Variants in EHMT2 observed in about 807,000 individuals in gnomAD.
The protein encoded by EHMT2 is euchromatic histone lysine methyltransferase 2.
In EHMT2, 59 loss-of-function variants were observed where a neutral mutation model predicts 143.3. The ratio of observed to expected loss-of-function variants is 0.41; its 90% CI spans 0.33 to 0.51. The LOEUF (loss-of-function observed/expected upper bound fraction) is 0.51. Among genes scored for constraint, EHMT2 ranks in the 20% least tolerant of loss-of-function variants. EHMT2 has a pLI of 0.18. For missense variants in EHMT2, 1,174 were observed against 1,645.9 expected (o/e 0.71, Z 4.96); for synonymous variants, 604 against 651.5 (o/e 0.93, Z 1.11).
At chr6:31,892,842 C>A in exon 5 of EHMT2, 4 of 1,605,838 alleles carry the variant, frequency 2.5e-6, no homozygotes, top group East Asian at 2.2e-5. Flanking sequence ...TCACCTTTCC[C>A]AGTGAGTGGA....
chr6:31,882,136 G>T (rs372724732), intron 25 of EHMT2, among the ~76,000 whole-genome samples: 1 of 140,628 alleles, frequency 7.1e-6, no homozygotes. Context: ...AAAAAAAAAA[G>T]AGCCAAAGGA....
intron 4 of EHMT2, chr6:31,893,257 G>C (rs1340516319): frequency 4.1e-6 from 2 of 491,380 alleles, no homozygotes; most frequent in Non-Finnish European, 7.7e-6. Flanking sequence ...GCCACTGACA[G>C]ATGAATGGAT....
chr6:31,884,513 CCT>C lies in EHMT2; in HGVS notation c.2648_2649del (p.Glu883GlyfsTer48), dbSNP rs751340770. 4.3e-6 allele frequency: 7 copies of C among 1,612,862 alleles called. No individual in the cohort carries two copies. The highest frequency in any genetic ancestry group is 2.7e-5 in the African/African-American group (2 of 74,892). On this transcript the variant is annotated frameshift_variant, in exon 21 of 28. Transcript: ENST00000375537. LOFTEE classifies it high-confidence loss of function. This position sits in a 1 kb window ranked among gnomAD's most constrained non-coding sequence, Gnocchi z 7.3. ...GGAGTCAGGTCCCATGCTGTGTCCC[CCT>C]CTTTGTTCCGCAGCTCAGGGTTGGC...
At position 31,888,527 on chromosome 6, in the gene EHMT2, T is replaced by G. The variant is rs1765212095; in HGVS notation, c.1366-21A>C. Reference sequence around the variant, plus strand: ...GACAGCTGTGCGCAGTGAGGATGGGTGAGAAGAGAGCGTGAGGCTGGGGCC... The same window carrying G: ...GACAGCTGTGCGCAGTGAGGATGGGGGAGAAGAGAGCGTGAGGCTGGGGCC... On this transcript the variant is annotated intron_variant, in intron 11 of 27. Transcript: ENST00000375537. The surrounding 1 kb of genome is among the most constrained non-coding windows in gnomAD (Gnocchi z 7.4). 2 of 1,610,874 alleles carry G rather than the reference T, an allele frequency of 1.2e-6. No homozygotes were observed. The highest frequency in any genetic ancestry group is 3.3e-5 in the Admixed American group (2 of 59,918).
Position 31,880,926 on chromosome 6 carries a change from C to G in EHMT2, c.3277-78G>C, listed in dbSNP as rs1263807717. On this transcript the variant is annotated intron_variant, in intron 26 of 27. Coordinates refer to ENST00000375537, the Ensembl canonical transcript of EHMT2. The surrounding 1 kb of genome is among the most constrained non-coding windows in gnomAD (Gnocchi z 6.6). ...CCCACCCACTGACTCCCCAGTCCCTCCTCCCCAGGTTTCCATTTGCTGACT... is the reference window on the plus strand; with the variant it reads ...CCCACCCACTGACTCCCCAGTCCCTGCTCCCCAGGTTTCCATTTGCTGACT... 8 of 1,608,612 alleles carry G rather than the reference C, an allele frequency of 5.0e-6. No homozygotes were observed. Among genetic ancestry groups the G allele is most frequent in the Non-Finnish European group, 6.8e-6 (8 of 1,176,454 alleles).
At chr6:31,887,418 T>A (rs1765013715) in intron 15 of EHMT2, among the ~76,000 whole-genome samples, 159 bp downstream of exon 15, 1 of 152,186 alleles carries the variant, frequency 6.6e-6, no homozygotes, top group Non-Finnish European at 1.5e-5. Flanking sequence ...AGTCACCACA[T>A]CCCCATCGTT....
intron 1 of EHMT2, chr6:31,897,317 C>A: frequency 1.8e-6 from 1 of 565,296 alleles, no homozygotes; most frequent in Non-Finnish European, 2.6e-6. Context: ...CGCGGGGACC[C>A]CGGGCACCAA....
In EHMT2 at chr6:31,883,330, G is replaced by A. The variant is rs763358738; in HGVS notation, c.2994+32C>T. ...GGCTGGCTCCTCTGAAGGAGGGGCC[G>A]GGTGTCTGTGGCCAAGGCAAGGGGC... On this transcript the variant is annotated intron_variant, in intron 23 of 27. Transcript: ENST00000375537. The surrounding 1 kb of genome is among the most constrained non-coding windows in gnomAD (Gnocchi z 5.6). 26 of 1,606,688 alleles carry A rather than the reference G, an allele frequency of 1.6e-5. No individual in the cohort carries two copies. The highest frequency in any genetic ancestry group is 1.4e-4 in the South Asian group (13 of 90,676).
exon 3 of EHMT2, chr6:31,896,714 C>T (rs1299115372): frequency 6.2e-7 from 1 of 1,612,672 alleles, no homozygotes; most frequent in East Asian, 2.2e-5. Context: ...TCATCACCAA[C>T]AGTGACAGTG....
At position 31,886,010 on chromosome 6, in the gene EHMT2, C is replaced by T. The variant is rs146206757; in HGVS notation, c.2343+571G>A. 4.8e-3 allele frequency: 732 copies of T among 152,156 alleles called. 4 individuals are homozygous for T. Among genetic ancestry groups the T allele is most frequent in the Middle Eastern group, 0.02 (6 of 298 alleles). The allele number at this position is 152,156 out of a possible 1,614,324, so 9.4% of individuals were successfully genotyped here. On this transcript the variant is annotated intron_variant, in intron 18 of 27. Coordinates refer to ENST00000375537, the Ensembl canonical transcript of EHMT2. ...GCTGAGGCAGGAGAATGGCGTGAAC[C>T]TGGGAGGCGGAGCTTGCAGTAAGCT...
chr6:31,887,517 A>C lies in EHMT2; in HGVS notation c.2011+60T>G, dbSNP rs186820891. 8 of 1,479,076 alleles carry C rather than the reference A, an allele frequency of 5.4e-6. No individual in the cohort carries two copies. The East Asian group carries it at 6.8e-5, about 13-fold the overall frequency. 91.6% of individuals were successfully genotyped at this position (1,479,076 alleles called of 1,614,324 possible). A position where few individuals can be genotyped will look rare whatever the true frequency, so the allele number is the denominator to read the frequency against. On this transcript the variant is annotated intron_variant, in intron 15 of 27. Transcript: ENST00000375537. ...CGACTGTACTCCTGGCCCTGTACCC[A>C]GTGCCTGGTATATACATGAAGCTTG...
In EHMT2 at chr6:31,886,568, G is replaced by T; in HGVS notation, c.2343+13C>A. On this transcript the variant is annotated intron_variant, in intron 18 of 27. Transcript: ENST00000375537. The stretch of plus-strand genomic sequence containing the variant: ...CAGGGACCCAGAGGGGCTGGGCTGG[G>T]TGGGCCGCTGACCTGGGCGTTGACG... 6.2e-7 allele frequency: 1 copy of T among 1,607,028 alleles called. No homozygotes were observed.
rs1383306238 is a variant in EHMT2, at chr6:31,889,307, T to C, written c.1035A>G (p.Lys345=). 8 of 1,612,434 alleles carry C rather than the reference T, an allele frequency of 5.0e-6. No individual in the cohort carries two copies. The highest frequency in any genetic ancestry group is 2.2e-5 in the South Asian group (2 of 91,082). Reference sequence around the variant, plus strand: ...TCACCCATGGGCTGTCTTTTCGCCATTTCTTCTTGGCCTTGCGCCGGCCAC... The same window carrying C: ...TCACCCATGGGCTGTCTTTTCGCCACTTCTTCTTGGCCTTGCGCCGGCCAC... Residue 345 remains lysine (K), a synonymous_variant, in exon 9 of 28, where the codon AAA becomes AAG. Coordinates refer to ENST00000375537, the Ensembl canonical transcript of EHMT2. The surrounding 1 kb of genome is among the most constrained non-coding windows in gnomAD (Gnocchi z 5.1).
At position 31,888,824 on chromosome 6, in the gene EHMT2, C is replaced by T; in HGVS notation, c.1217-77G>A. On this transcript the variant is annotated intron_variant, in intron 10 of 27. Coordinates refer to ENST00000375537, the Ensembl canonical transcript of EHMT2. The surrounding 1 kb of genome is among the most constrained non-coding windows in gnomAD (Gnocchi z 7.4). ...GGACCCCTGGCGGGTCCTCTCACTC[C>T]CTCCCTACCCCACCCCGCCATGCCC... The T allele has an allele frequency of 6.4e-7, 1 of 1,555,324 alleles. No individual in the cohort carries two copies. Among genetic ancestry groups the T allele is most frequent in the Non-Finnish European group, 8.7e-7 (1 of 1,148,976 alleles).
chr6:31,886,345 C>T, intron 18 of EHMT2: 1 of 547,538 alleles, frequency 1.8e-6, no homozygotes, highest in South Asian at 2.7e-5. Context: ...TAATAAAAAG[C>T]CTCACTGGAC....
rs1474158644 is a variant in EHMT2, at chr6:31,884,902, G to C, written c.2448+10C>G. Reference sequence around the variant, plus strand: ...TGGGGCTGCCCTACCTCAACCAAACGCTCACTCACGTTGTCAGTGAGGGTG... The same window carrying C: ...TGGGGCTGCCCTACCTCAACCAAACCCTCACTCACGTTGTCAGTGAGGGTG... On this transcript the variant is annotated intron_variant, in intron 19 of 27. Transcript: ENST00000375537. The surrounding 1 kb of genome is among the most constrained non-coding windows in gnomAD (Gnocchi z 7.3). 1.3e-6 allele frequency: 2 copies of C among 1,596,076 alleles called. No homozygotes were observed. Among genetic ancestry groups the C allele is most frequent in the South Asian group, 1.1e-5 (1 of 90,412 alleles).
Position 31,881,535 on chromosome 6 carries a change from G to A in EHMT2, c.3198-443C>T, listed in dbSNP as rs1288586573. ...CACACATATCTGGACACCAGAGGGA[G>A]GAGAGGAGCCAGCTATCTAAGGAGG... On this transcript the variant is annotated intron_variant, in intron 25 of 27. Coordinates refer to ENST00000375537, the Ensembl canonical transcript of EHMT2. The surrounding 1 kb of genome is among the most constrained non-coding windows in gnomAD (Gnocchi z 4.8). 8.5e-6 allele frequency: 2 copies of A among 235,702 alleles called. No individual in the cohort carries two copies. Among genetic ancestry groups the A allele is most frequent in the Non-Finnish European group, 1.7e-5 (2 of 116,812 alleles). The allele number at this position is 235,702 out of a possible 1,614,324, so 14.6% of individuals were successfully genotyped here.
intron 5 of EHMT2, 24 bp from the exon 6 acceptor site, chr6:31,892,758 T>C (rs1765870905): frequency 6.2e-6 from 10 of 1,613,076 alleles, no homozygotes; most frequent in Non-Finnish European, 8.5e-6. Flanking sequence ...GAGAATGGTG[T>C]GGGGCCTATC....
At chr6:31,892,885 G>C in exon 5 of EHMT2, 2 of 1,586,722 alleles carry the variant, frequency 1.3e-6, no homozygotes, top group Non-Finnish European at 1.7e-6. Flanking sequence ...CTGTATTTCA[G>C]GGGGCCGCTT....
Sources: allele counts gnomAD v4.1 joint callset (sites outside exome capture counted in the v4.1 genomes callset), GRCh38; gene constraint gnomAD v4.1.1; non-coding constraint Gnocchi (gnomAD v3.1); transcripts MANE v1.5; gene names NCBI Gene and HGNC (gene_info 2026-07-23, HGNC 2026-07-21).